UCN3: variants seen among roughly 807,000 people sequenced by gnomAD.
The protein encoded by UCN3 is urocortin 3.
Under a neutral mutation model 3.6 loss-of-function variants are expected in UCN3, and 3 were observed. The observed-to-expected ratio is 0.83, with a 90% CI of 0.38 to 2.15. The LOEUF (loss-of-function observed/expected upper bound fraction) is 2.15, where lower values mean the gene tolerates loss of function less well. Among genes scored for constraint, UCN3 ranks in the 30% most tolerant of loss-of-function variants. The pLI, the probability that UCN3 is intolerant of heterozygous loss-of-function variation, is 0.06. For missense variants in UCN3, 206 were observed against 208.3 expected (o/e 0.99, Z 0.07); for synonymous variants, 100 against 93.2 (o/e 1.07, Z -0.42).
In UCN3 at chr10:5,373,837, C is replaced by T. The variant is rs1831462683; in HGVS notation, c.117C>T (p.Ala39=). ...AKPIFSCLNT[A]LSEAEKGQWE... The stretch of plus-strand genomic sequence containing the variant: ...CCATCTTCAGCTGCCTCAACACCGC[C>T]CTGTCTGAGGCTGAGAAGGGCCAGT... The change falls in exon 2 of 2, where the codon GCC becomes GCT. Residue 39 remains alanine (A), a synonymous_variant. Transcript: ENST00000380433. The T allele has an allele frequency of 6.2e-7, 1 of 1,614,106 alleles. No homozygotes were observed. The highest frequency in any genetic ancestry group is 1.3e-5 in the African/African-American group (1 of 75,042).
intron 1 of UCN3, among the ~76,000 whole-genome samples, chr10:5,370,191 GCGTGTGTATATGCGTGTGTA>G (rs1831345284): frequency 1.2e-5 from 1 of 83,634 alleles, no homozygotes. Flanking sequence ...GTGTGTATAT[GCGTGTGTATATGCGTGTGTA>G]TGTGTGTGTA....
Position 5,370,223 on chromosome 10 carries a change from G to GTGTGTGTGTGTA in UCN3, c.-6-3490_-6-3489insTGTGTGTGTATG, listed in dbSNP as rs781842004. Among the ~76,000 whole-genome samples, 136 of 13,774 alleles carry GTGTGTGTGTGTA rather than the reference G, an allele frequency of 9.9e-3. 37 individuals are homozygous for GTGTGTGTGTGTA. Among genetic ancestry groups the GTGTGTGTGTGTA allele is most frequent in the South Asian group, 0.014 (2 of 142 alleles). 9.0% of individuals were successfully genotyped at this position (13,774 alleles called of 152,430 possible). ...TATATGCGTGTGTATGTGTGTGTAT[G>GTGTGTGTGTGTA]TGCGTGTGTGTATGCGTGTGTGTAT... On this transcript the variant is annotated intron_variant, in intron 1 of 1. Transcript: ENST00000380433.
rs782705049 is a variant in UCN3 at position 5,373,813 on chromosome 10, C to T, written c.93C>T (p.Pro31=). 1.4e-5 allele frequency: 23 copies of T among 1,613,914 alleles called. No homozygotes were observed. Among genetic ancestry groups the T allele is most frequent in the Non-Finnish European group, 1.1e-5 (13 of 1,179,984 alleles). ...CCCACAAGTTCTACAAAGCCAAGCC[C>T]ATCTTCAGCTGCCTCAACACCGCCC... The part of the protein sequence containing the change: ...GLPHKFYKAK[P]IFSCLNTALS... Residue 31 remains proline (P), a synonymous_variant, in exon 2 of 2, where the codon CCC becomes CCT. Coordinates refer to ENST00000380433, the MANE Select transcript of UCN3 (RefSeq NM_053049.4).
At chr10:5,368,211 C>T (rs782168485) in intron 1 of UCN3, among the ~76,000 whole-genome samples, 21 of 151,960 alleles carry the variant, frequency 1.4e-4, no homozygotes, top group Admixed American at 6.6e-5. Flanking sequence ...ACTATGTTGG[C>T]CAGGCTGGTC....
At chr10:5,371,095 T>C (rs991065347) in intron 1 of UCN3, among the ~76,000 whole-genome samples, 1 of 151,256 alleles carries the variant, frequency 6.6e-6, no homozygotes, top group East Asian at 1.9e-4. Context: ...TGCATGTGTA[T>C]GGTTGTGTGT....
At chr10:5,370,330 CGTGTGTATATGCGTGTGTATATGT>C (rs1831355745) in intron 1 of UCN3, among the ~76,000 whole-genome samples, 3 of 13,906 alleles carry the variant, frequency 2.2e-4, no homozygotes, top group Admixed American at 1.9e-3. Context: ...TGTGTATATG[CGTGTGTATATGCGTGTGTATATGT>C]GTGTGTATAT....
At chr10:5,370,436 TGC>T (rs1404798451) in intron 1 of UCN3, among the ~76,000 whole-genome samples, 1 of 110,266 alleles carries the variant, frequency 9.1e-6, no homozygotes, top group Non-Finnish European at 1.8e-5. Context: ...CGTGTGTATA[TGC>T]GTGTGTATGT....
chr10:5,370,868 TATGTGTGTGTATATGC>T (rs1187987094), intron 1 of UCN3, among the ~76,000 whole-genome samples: 1 of 95,534 alleles, frequency 1.0e-5, no homozygotes, highest in South Asian at 4.2e-4. Flanking sequence ...TGTGCGTGTG[TATGTGTGTGTATATGC>T]GTGTGTATAT....
intron 1 of UCN3, among the ~76,000 whole-genome samples, chr10:5,370,310 C>T (rs868909995): frequency 5.0e-3 from 34 of 6,764 alleles, no homozygotes; most frequent in South Asian, 0.015. Context: ...TGTGTATATG[C>T]GTGTATGTGT....
In UCN3 at chr10:5,366,411, G is replaced by A. The variant is rs782548372; in HGVS notation, c.-7+1181G>A. On this transcript the variant is annotated intron_variant, in intron 1 of 1. Coordinates refer to ENST00000380433, the MANE Select transcript of UCN3 (RefSeq NM_053049.4). The surrounding 1 kb of genome is among the most constrained non-coding windows in gnomAD (Gnocchi z 4.2). ...AGTTATTTTCGTGGCAGACTGCAGA[G>A]AAATCTTAAACTTTTGTGCTGTTTC... 6.6e-6 allele frequency among the ~76,000 whole-genome samples: 1 copy of A among 152,194 alleles called. No homozygotes were observed. The highest frequency in any genetic ancestry group is 1.5e-5 in the Non-Finnish European group (1 of 68,026).
In UCN3 at chr10:5,367,589, T is replaced by A. The variant is rs1006595894; in HGVS notation, c.-7+2359T>A. Among the ~76,000 whole-genome samples the A allele has an allele frequency of 2.0e-5, 3 of 152,180 alleles. No individual in the cohort carries two copies. Among genetic ancestry groups the A allele is most frequent in the Non-Finnish European group, 2.9e-5 (2 of 68,024 alleles). ...AGAGCCAAATGACCCAGAGGGATAG[T>A]GAAAGGCTTGGCATATTTAGCAGAA... On this transcript the variant is annotated intron_variant, in intron 1 of 1. Transcript: ENST00000380433. This position sits in a 1 kb window ranked among gnomAD's most constrained non-coding sequence, Gnocchi z 4.3.
At chr10:5,370,759 G>GTA (rs782527629) in intron 1 of UCN3, among the ~76,000 whole-genome samples, 5 of 136,026 alleles carry the variant, frequency 3.7e-5, no homozygotes, top group Non-Finnish European at 7.7e-5. Flanking sequence ...TGATGTGTGT[G>GTA]TATATGCGTG....
intron 1 of UCN3, 81 bp from the exon 2 acceptor site, chr10:5,373,634 C>T (rs1284901456): frequency 6.5e-7 from 1 of 1,539,156 alleles, no homozygotes. Context: ...ATTAACAACA[C>T]CCTAGTAGAT....
chr10:5,367,056 C>A lies in UCN3; in HGVS notation c.-7+1826C>A, dbSNP rs1358023555. ...AGGCACAGTATTTACAAATTGACCC[C>A]AAAAATGTGAAAAAGTAAATATAGA... On this transcript the variant is annotated intron_variant, in intron 1 of 1. Coordinates refer to ENST00000380433, the MANE Select transcript of UCN3 (RefSeq NM_053049.4). This position sits in a 1 kb window ranked among gnomAD's most constrained non-coding sequence, Gnocchi z 4.3. Among the ~76,000 whole-genome samples, 3 of 152,068 alleles carry A rather than the reference C, an allele frequency of 2.0e-5. No individual in the cohort carries two copies. Among genetic ancestry groups the A allele is most frequent in the African/African-American group, 7.2e-5 (3 of 41,398 alleles).
chr10:5,369,061 C>T (rs982588095), intron 1 of UCN3, among the ~76,000 whole-genome samples: 7 of 152,178 alleles, frequency 4.6e-5, no homozygotes, highest in African/African-American at 9.7e-5. Flanking sequence ...GTTTGAACCG[C>T]GCCTTCACAT....
At position 5,370,168 on chromosome 10, in the gene UCN3, TGTGTGTATATGC is replaced by T. The variant is rs1564442458; in HGVS notation, c.-6-3514_-6-3503del. On this transcript the variant is annotated intron_variant, in intron 1 of 1. Transcript: ENST00000380433. ...GCGTGTGTATATGTGTGTGTATATG[TGTGTGTATATGC>T]GTGTGTATATGCGTGTGTATATGCG... Among the ~76,000 whole-genome samples, 48 of 29,928 alleles carry T rather than the reference TGTGTGTATATGC, an allele frequency of 1.6e-3. 12 individuals carry two copies. Among genetic ancestry groups the T allele is most frequent in the Admixed American group, 3.8e-3 (10 of 2,628 alleles). The allele number at this position is 29,928 out of a possible 152,430, so 19.6% of individuals were successfully genotyped here.
chr10:5,372,061 C>T (rs1831436545), intron 1 of UCN3, among the ~76,000 whole-genome samples: 1 of 152,198 alleles, frequency 6.6e-6, no homozygotes, highest in South Asian at 2.1e-4. Context: ...GGCAGCCGTG[C>T]TTTCTCTAGG....
chr10:5,367,630 A>G lies in UCN3; in HGVS notation c.-7+2400A>G, dbSNP rs1834129099. 6.6e-6 allele frequency among the ~76,000 whole-genome samples: 1 copy of G among 152,202 alleles called. No individual in the cohort carries two copies. Among genetic ancestry groups the G allele is most frequent in the East Asian group, 1.9e-4 (1 of 5,192 alleles). On this transcript the variant is annotated intron_variant, in intron 1 of 1. Coordinates refer to ENST00000380433, the MANE Select transcript of UCN3 (RefSeq NM_053049.4). The surrounding 1 kb of genome is among the most constrained non-coding windows in gnomAD (Gnocchi z 4.3). ...TTTAGCAGAAATGGAGACACCAAAG[A>G]AATATAACACCCAAAGTGTCTTTAA...
intron 1 of UCN3, among the ~76,000 whole-genome samples, chr10:5,370,867 GTA>G (rs1157978595): frequency 0.022 from 1,969 of 89,642 alleles, 99 homozygotes; most frequent in African/African-American, 0.042. Context: ...GTGTGCGTGT[GTA>G]TGTGTGTGTA....
Sources: gnomAD v4.1 joint callset for allele counts (sites outside exome capture counted in the v4.1 genomes callset) on GRCh38, gnomAD v4.1.1 for gene constraint, Gnocchi (gnomAD v3.1) non-coding constraint, MANE v1.5 for transcripts, NCBI Gene and HGNC (gene_info 2026-07-23, HGNC 2026-07-21) for gene names.